The following PTPRN variants were observed in gnomAD, a reference collection of about 807,000 sequenced individuals.
PTPRN encodes the protein protein tyrosine phosphatase receptor type N, also known as receptor-type tyrosine-protein phosphatase-like N.
A neutral mutation model predicts 108.5 loss-of-function variants in PTPRN; 70 were observed. The ratio of observed to expected loss-of-function variants is 0.65; its 90% CI spans 0.53 to 0.79. The LOEUF is 0.79. Among genes scored for constraint, PTPRN ranks in the 30% least tolerant of loss-of-function variants. The pLI is 0.00. For missense variants in PTPRN, 1,136 were observed against 1,295.5 expected (o/e 0.88, Z 1.89); for synonymous variants, 496 against 524.6 (o/e 0.95, Z 0.75).
Position 219,300,272 on chromosome 2 carries a change from G to T in PTPRN, c.1162-13C>A, listed in dbSNP as rs769506854. ...GCCCCTCCATTGTCTGTTCAGAAGA[G>T]GGTGGAGGTGTGGCCTCTGGACAGT... On this transcript the variant is annotated splice_polypyrimidine_tract_variant and intron_variant, in intron 8 of 22. Coordinates refer to ENST00000295718, the MANE Select transcript of PTPRN (RefSeq NM_002846.4). The T allele has an allele frequency of 1.9e-6, 3 of 1,544,406 alleles. No individual in the cohort carries two copies. Among genetic ancestry groups the T allele is most frequent in the African/African-American group, 2.7e-5 (2 of 72,912 alleles).
chr2:219,302,874 G>T (rs747644309), intron 4 of PTPRN, 37 bp from the exon 5 acceptor site: 3 of 1,597,540 alleles, frequency 1.9e-6, no homozygotes, highest in Non-Finnish European at 2.6e-6. Flanking sequence ...TTGGAGCGGG[G>T]GAAAGGGCAT....
Position 219,300,171 on chromosome 2 carries a change from G to C in PTPRN, c.1250C>G (p.Thr417Ser), listed in dbSNP as rs776449999. Reference sequence around the variant, plus strand: ...TGGCACCTGCTGGACTTCACTGGAGGTAGGGCTGGCAGTGGGGTGTCCAGG... The same window carrying C: ...TGGCACCTGCTGGACTTCACTGGAGCTAGGGCTGGCAGTGGGGTGTCCAGG... ...PMPGHPTASP[T>S]SSEVQQVPSP... Residue 417 changes from threonine (T) to serine (S), a missense_variant, in exon 9 of 23, where the codon ACC (threonine) becomes AGC (serine). Coordinates refer to ENST00000295718, the MANE Select transcript of PTPRN (RefSeq NM_002846.4). The C allele has an allele frequency of 1.2e-6, 2 of 1,613,480 alleles. No individual in the cohort carries two copies. Among genetic ancestry groups the C allele is most frequent in the Non-Finnish European group, 1.7e-6 (2 of 1,179,574 alleles).
rs549701543 is a variant in PTPRN at position 219,296,835 on chromosome 2, G to A, written c.2237-13C>T. The A allele has an allele frequency of 6.8e-6, 11 of 1,613,962 alleles. No individual in the cohort carries two copies. In the South Asian group the frequency reaches 9.9e-5, roughly 15 times the overall value. Reference sequence around the variant, plus strand: ...CGGGCATGGTCATCTGCACAGACCCGACACCCCACCCCAGATGGCCCTCTG... The same window carrying A: ...CGGGCATGGTCATCTGCACAGACCCAACACCCCACCCCAGATGGCCCTCTG... On this transcript the variant is annotated splice_polypyrimidine_tract_variant and intron_variant, in intron 15 of 22. Transcript: ENST00000295718. This position sits in a 1 kb window ranked among gnomAD's most constrained non-coding sequence, Gnocchi z 6.0.
At chr2:219,307,766 G>A (rs1361466425) in intron 2 of PTPRN, 26 bp downstream of exon 2, 1 of 1,612,492 alleles carries the variant, frequency 6.2e-7, no homozygotes. Flanking sequence ...CCGATCTTGT[G>A]AGTTCTATGC....
Position 219,295,057 on chromosome 2 carries a change from G to A in PTPRN, c.2593C>T (p.Arg865Cys). 2 of 1,613,500 alleles carry A rather than the reference G, an allele frequency of 1.2e-6. No homozygotes were observed. Among genetic ancestry groups the A allele is most frequent in the South Asian group, 2.2e-5 (2 of 90,984 alleles). ...YLKNVQTQETRTLTQFHFLSW... is the reference protein window; with the variant it reads ...YLKNVQTQETCTLTQFHFLSW... ...AGGAAGTGGAACTGCGTGAGCGTGC[G>A]CGTCTCCTGGGTCTGCACGTTCTTC... Residue 865 changes from arginine (R) to cysteine (C), a missense_variant, in exon 19 of 23, where the codon CGC (arginine) becomes TGC (cysteine). Arg to Cys is a radical substitution (Grantham distance 180, BLOSUM62 -3). Coordinates refer to ENST00000295718, the MANE Select transcript of PTPRN (RefSeq NM_002846.4).
At position 219,299,315 on chromosome 2, in the gene PTPRN, G is replaced by A. The variant is rs1428254008; in HGVS notation, c.1593C>T (p.Thr531=). The stretch of plus-strand genomic sequence containing the variant: ...CGCAGAGATATTTACCTGCTTGTTG[G>A]GTCACATCAGCCAAAGACAGGTTCT... ...NEQNLSLADV[T]QQAGLVKSEL... The change falls in exon 11 of 23, where the codon ACC becomes ACT. Residue 531 remains threonine (T), a synonymous_variant. Transcript: ENST00000295718. 1.2e-6 allele frequency: 2 copies of A among 1,614,076 alleles called. No individual in the cohort carries two copies. The highest frequency in any genetic ancestry group is 2.7e-5 in the African/African-American group (2 of 74,938).
rs1347686481 is a variant in PTPRN at position 219,296,885 on chromosome 2, C to T, written c.2237-63G>A. On this transcript the variant is annotated intron_variant, in intron 15 of 22. Coordinates refer to ENST00000295718, the MANE Select transcript of PTPRN (RefSeq NM_002846.4). This position sits in a 1 kb window ranked among gnomAD's most constrained non-coding sequence, Gnocchi z 6.0. Reference sequence around the variant, plus strand: ...GGTCATTGGCATCGCGGGACCTCTGCCACTCAGCCTGAGCCAGAAGCCCAA... The same window carrying T: ...GGTCATTGGCATCGCGGGACCTCTGTCACTCAGCCTGAGCCAGAAGCCCAA... 2 of 1,612,856 alleles carry T rather than the reference C, an allele frequency of 1.2e-6. No homozygotes were observed. The highest frequency in any genetic ancestry group is 2.7e-5 in the African/African-American group (2 of 74,872).
chr2:219,301,000 G>A, intron 7 of PTPRN, 23 bp from the exon 8 acceptor site: 1 of 1,613,794 alleles, frequency 6.2e-7, no homozygotes, highest in Non-Finnish European at 8.5e-7. Context: ...AAAAACAAGA[G>A]TCTGGAAAAA....
Position 219,296,133 on chromosome 2 carries a change from G to C in PTPRN, c.2508+93C>G. On this transcript the variant is annotated intron_variant, in intron 18 of 22. Transcript: ENST00000295718. The surrounding 1 kb of genome is among the most constrained non-coding windows in gnomAD (Gnocchi z 6.0). ...CAATAAAAGCCTTTTTAAAAAGACTGTTGAGTGCTCATTTGGTGAAGAAAA... is the reference window on the plus strand; with the variant it reads ...CAATAAAAGCCTTTTTAAAAAGACTCTTGAGTGCTCATTTGGTGAAGAAAA... 1 of 1,567,132 alleles carries C rather than the reference G, an allele frequency of 6.4e-7. No homozygotes were observed. Among genetic ancestry groups the C allele is most frequent in the Non-Finnish European group, 8.7e-7 (1 of 1,143,004 alleles).
In PTPRN at chr2:219,295,018, C is replaced by T; in HGVS notation, c.2632G>A (p.Glu878Lys). Residue 878 changes from glutamate to lysine, a missense_variant, in exon 19 of 23, where the codon GAG (glutamate) becomes AAG (lysine). By Grantham distance (56) the Glu-to-Lys change is moderately conservative. Coordinates refer to ENST00000295718, the MANE Select transcript of PTPRN (RefSeq NM_002846.4). ...TQFHFLSWPA[E>K]GTPASTRPLL... ...GGCCGCGTGGAGGCCGGTGTGCCCT[C>T]TGCCGGCCAGCTGAGGAAGTGGAAC... 6.2e-7 allele frequency: 1 copy of T among 1,610,372 alleles called. No homozygotes were observed. The highest frequency in any genetic ancestry group is 8.5e-7 in the Non-Finnish European group (1 of 1,178,388).
At chr2:219,298,927 CCAGCCAGCCGTGCCTACGGA>C in intron 12 of PTPRN, 100 bp downstream of exon 12, 1 of 1,235,874 alleles carries the variant, frequency 8.1e-7, no homozygotes, top group Non-Finnish European at 1.2e-6. Flanking sequence ...AAGGCCGCCT[CCAGCCAGCCGTGCCTACGGA>C]CACGTTTCGG....
chr2:219,309,185 C>T (rs1952563742), intron 1 of PTPRN, 33 bp downstream of exon 1: 3 of 1,360,660 alleles, frequency 2.2e-6, no homozygotes, highest in African/African-American at 1.4e-5. Context: ...CTCCCCGCCC[C>T]CCACCACCCG....
At chr2:219,308,104 G>A in intron 1 of PTPRN, 1 of 480,144 alleles carries the variant, frequency 2.1e-6, no homozygotes, top group Admixed American at 3.8e-5. Context: ...AAACCTTCCA[G>A]GTGCAGGGAG....
chr2:219,291,058 C>T (rs995461573), intron 20 of PTPRN, among the ~76,000 whole-genome samples, 168 bp from the exon 21 acceptor site: 24 of 152,058 alleles, frequency 1.6e-4, no homozygotes, highest in African/African-American at 5.8e-4. Context: ...GCTCATAGCA[C>T]CTGCACGCTG....
intron 3 of PTPRN, 35 bp from the exon 4 acceptor site, chr2:219,303,866 G>A (rs752419561): frequency 6.5e-7 from 1 of 1,532,336 alleles, no homozygotes; most frequent in Non-Finnish European, 8.9e-7. Context: ...GTTGGTTCAG[G>A]AGTCTGGGGA....
Position 219,300,192 on chromosome 2 carries a change from C to G in PTPRN, c.1229G>C (p.Gly410Ala), listed in dbSNP as rs1952309147. Residue 410 changes from glycine (G) to alanine (A), a missense_variant, in exon 9 of 23, where the codon GGA becomes GCA. Physicochemically the swap from Gly to Ala is moderately conservative, Grantham distance 60 (BLOSUM62 0). Transcript: ENST00000295718. ...GGAGGTAGGGCTGGCAGTGGGGTGT[C>G]CAGGCATGGGGGATGTGCGGGCTGG... ...ELPARTSPMP[G>A]HPTASPTSSE... 1 of 1,611,198 alleles carries G rather than the reference C, an allele frequency of 6.2e-7. No individual in the cohort carries two copies. The highest frequency in any genetic ancestry group is 8.5e-7 in the Non-Finnish European group (1 of 1,178,276).
rs544162198 is a variant in PTPRN, at chr2:219,300,209, G to T, written c.1212C>A (p.Arg404=). The T allele has an allele frequency of 1.5e-5, 24 of 1,604,658 alleles. 2 individuals carry two copies. The African/African-American group carries it at 2.3e-4, about 15-fold the overall frequency. ...EGRDTAELPA[R]TSPMPGHPTA... ...TGGGGTGTCCAGGCATGGGGGATGT[G>T]CGGGCTGGAAGCTCTGCTGTGTCTC... is the stretch of plus-strand genomic sequence containing the variant. The change falls in exon 9 of 23, where the codon CGC becomes CGA. Residue 404 remains arginine (R), a synonymous_variant. Transcript: ENST00000295718.
rs752312263 is a variant in PTPRN, at chr2:219,297,334, C to T, written c.1987G>A (p.Asp663Asn). Residue 663 changes from aspartate to asparagine, a missense_variant, in exon 14 of 23, where the codon GAC becomes AAC. Coordinates refer to ENST00000295718, the MANE Select transcript of PTPRN (RefSeq NM_002846.4). This position sits in a 1 kb window ranked among gnomAD's most constrained non-coding sequence, Gnocchi z 6.0. ...GAGCTGGGGCTGGCCTGGGCTGCGT[C>T]GCTGAACTGGGAGGACACACTGCTC... ...RVSSVSSQFS[D>N]AAQASPSSHS... is the part of the protein sequence containing the mutation. 7 of 1,614,042 alleles carry T rather than the reference C, an allele frequency of 4.3e-6. No homozygotes were observed. The highest frequency in any genetic ancestry group is 2.2e-5 in the South Asian group (2 of 91,090).
intron 12 of PTPRN, among the ~76,000 whole-genome samples, 189 bp from the exon 13 acceptor site, chr2:219,298,292 C>T (rs1304630023): frequency 2.0e-5 from 3 of 152,212 alleles, no homozygotes; most frequent in Admixed American, 6.5e-5. Flanking sequence ...ATCAACTCAA[C>T]CACAGTGCAG....
Sources: allele counts gnomAD v4.1 joint callset (sites outside exome capture counted in the v4.1 genomes callset), GRCh38; gene constraint gnomAD v4.1.1; non-coding constraint Gnocchi (gnomAD v3.1); transcripts MANE v1.5; gene names NCBI Gene and HGNC (gene_info 2026-07-23, HGNC 2026-07-21).